MYO5B: variants seen among roughly 807,000 people sequenced by gnomAD.
The protein encoded by MYO5B is myosin VB, also known as unconventional myosin-Vb.
In MYO5B, 143 loss-of-function variants were observed where a neutral mutation model predicts 229.3. The ratio of observed to expected loss-of-function variants is 0.62; its 90% CI spans 0.54 to 0.72. The LOEUF (loss-of-function observed/expected upper bound fraction) is 0.72, where lower values mean the gene tolerates loss of function less well. MYO5B is among the 30% of genes least tolerant of loss of function. The pLI, the probability that MYO5B is intolerant of heterozygous loss-of-function variation, is 0.00. For synonymous variants in MYO5B, 918 were observed against 885.2 expected (o/e 1.04, Z -0.66); for missense variants, 2,321 against 2,331.0 (o/e 1.00, Z 0.09).
chr18:50,093,062 T>C (rs186900288), intron 1 of MYO5B, among the ~76,000 whole-genome samples: 12 of 152,108 alleles, frequency 7.9e-5, no homozygotes, highest in Admixed American at 5.9e-4. Flanking sequence ...TATGAACAAT[T>C]TGTAAATAGA....
Position 49,859,154 on chromosome 18 carries a change from G to A in MYO5B, c.3945-2264C>T, listed in dbSNP as rs202120632. Among the ~76,000 whole-genome samples the A allele has an allele frequency of 9.2e-5, 14 of 152,320 alleles. No homozygotes were observed. The East Asian group carries it at 1.7e-3, about 19-fold the overall frequency. On this transcript the variant is annotated intron_variant, in intron 29 of 39. Coordinates refer to ENST00000285039, the MANE Select transcript of MYO5B (RefSeq NM_001080467.3). ...ATTGGGGCAACTCCCAGCCCCACCTGTAATGAGCCCGTGGCCCGGGCTAAT... is the reference window on the plus strand; with the variant it reads ...ATTGGGGCAACTCCCAGCCCCACCTATAATGAGCCCGTGGCCCGGGCTAAT...
rs763573467 is a variant in MYO5B at position 49,826,459 on chromosome 18, A to G, written c.*12T>C. ...ACATTGGGAATCAAACTAATGCTGG[A>G]AACATGCATCTTCAGACTTCATTGA... On this transcript the variant is annotated 3_prime_UTR_variant, in exon 40 of 40. Coordinates refer to ENST00000285039, the MANE Select transcript of MYO5B (RefSeq NM_001080467.3). 1 of 1,613,650 alleles carries G rather than the reference A, an allele frequency of 6.2e-7. No individual in the cohort carries two copies. Among genetic ancestry groups the G allele is most frequent in the African/African-American group, 1.3e-5 (1 of 74,900 alleles).
intron 19 of MYO5B, among the ~76,000 whole-genome samples, chr18:49,906,147 G>A (rs1475517322): frequency 6.6e-6 from 1 of 152,150 alleles, no homozygotes; most frequent in Admixed American, 6.5e-5. Context: ...GGAAATGGTT[G>A]GTTTGTGGCA....
chr18:50,120,469 AG>A (rs1055327299), intron 1 of MYO5B, among the ~76,000 whole-genome samples: 23 of 152,102 alleles, frequency 1.5e-4, no homozygotes, highest in Non-Finnish European at 3.4e-4. Context: ...ATCCCATGTG[AG>A]GTCTCAACGG....
chr18:50,011,156 C>T (rs2026156512), intron 4 of MYO5B, among the ~76,000 whole-genome samples: 1 of 152,172 alleles, frequency 6.6e-6, no homozygotes. Context: ...TCCTGGCTAA[C>T]ATGGTGAAAC....
At chr18:49,874,581 A>G (rs935062405) in intron 26 of MYO5B, among the ~76,000 whole-genome samples, 16 of 152,266 alleles carry the variant, frequency 1.1e-4, no homozygotes, top group Non-Finnish European at 2.4e-4. Flanking sequence ...TTTGCCAGCA[A>G]TATAGATCAG....
At chr18:49,982,921 GC>G (rs34074199) in intron 8 of MYO5B, among the ~76,000 whole-genome samples, 25,617 of 152,130 alleles carry the variant, frequency 0.17, 2,758 homozygotes, top group Non-Finnish European at 0.25. Flanking sequence ...CTTGGAGGGA[GC>G]AATCCTCTCC....
At chr18:50,000,800 C>T (rs984991465) in intron 5 of MYO5B, among the ~76,000 whole-genome samples, 1 of 152,116 alleles carries the variant, frequency 6.6e-6, no homozygotes, top group Non-Finnish European at 1.5e-5. Context: ...TTTACCTCCC[C>T]GCTAAAAAGA....
At chr18:50,155,168 C>CA (rs111479770) in intron 1 of MYO5B, among the ~76,000 whole-genome samples, 89 of 152,260 alleles carry the variant, frequency 5.8e-4, no homozygotes, top group African/African-American at 1.9e-3. Flanking sequence ...TAGCTGCAAC[C>CA]ACTCCAGGTA....
chr18:50,007,216 C>T (rs1477263361), intron 4 of MYO5B, among the ~76,000 whole-genome samples: 2 of 152,206 alleles, frequency 1.3e-5, no homozygotes, highest in Non-Finnish European at 2.9e-5. Context: ...TCCCTGGCAC[C>T]TCCTCTATGT....
chr18:49,929,667 C>A lies in MYO5B; in HGVS notation c.2004-69G>T, dbSNP rs1598889594. On this transcript the variant is annotated intron_variant, in intron 16 of 39. Coordinates refer to ENST00000285039, the MANE Select transcript of MYO5B (RefSeq NM_001080467.3). ...AGTGGCCACATTTGCAAAAAAGAAA[C>A]AAAAAAGAATCTTTTCCTGCAGCAT... 28 of 1,349,614 alleles carry A rather than the reference C, an allele frequency of 2.1e-5. No homozygotes were observed. The highest frequency in any genetic ancestry group is 2.9e-5 in the Non-Finnish European group (28 of 971,690). The allele number at this position is 1,349,614 out of a possible 1,614,324, so 83.6% of individuals were successfully genotyped here.
At chr18:50,095,901 T>A (rs1159759070) in intron 1 of MYO5B, among the ~76,000 whole-genome samples, 1 of 152,210 alleles carries the variant, frequency 6.6e-6, no homozygotes, top group Non-Finnish European at 1.5e-5. Context: ...AAGTGTTACA[T>A]CTTTGGAGAG....
chr18:49,827,938 C>G (rs2023866198), intron 39 of MYO5B, among the ~76,000 whole-genome samples: 1 of 152,070 alleles, frequency 6.6e-6, no homozygotes, highest in Admixed American at 6.5e-5. Flanking sequence ...AAAGAAGTGA[C>G]TTGTCACATA....
At chr18:50,161,500 T>C (rs1705527) in intron 1 of MYO5B, among the ~76,000 whole-genome samples, 66,237 of 131,676 alleles carry the variant, frequency 0.5, 14,822 homozygotes, top group Middle Eastern at 0.61. Context: ...TTAGAGGAAA[T>C]GGGCAGAAAG....
At chr18:49,879,331 C>G in intron 23 of MYO5B, 1 of 536,768 alleles carries the variant, frequency 1.9e-6, no homozygotes, top group Non-Finnish European at 3.3e-6. Flanking sequence ...GAGAAGTTGG[C>G]AGCGTAGGTG....
intron 22 of MYO5B, 125 bp from the exon 23 acceptor site, chr18:49,880,580 A>G: frequency 1.2e-6 from 1 of 809,692 alleles, no homozygotes; most frequent in South Asian, 1.4e-5. Flanking sequence ...ATTTGGTTAA[A>G]GCTTCTTTTG....
intron 25 of MYO5B, 32 bp from the exon 26 acceptor site, chr18:49,875,859 T>C: frequency 6.2e-7 from 1 of 1,613,386 alleles, no homozygotes. Context: ...GAAAAAAGGT[T>C]TTCCTAAATA....
intron 16 of MYO5B, among the ~76,000 whole-genome samples, chr18:49,935,981 T>G (rs2025245104): frequency 6.6e-6 from 1 of 152,228 alleles, no homozygotes; most frequent in Non-Finnish European, 1.5e-5. Context: ...TGGCTACATT[T>G]AACGTTCTCT....
intron 9 of MYO5B, among the ~76,000 whole-genome samples, chr18:49,977,161 C>G (rs1207846776): frequency 6.6e-6 from 1 of 152,040 alleles, no homozygotes; most frequent in Non-Finnish European, 1.5e-5. Context: ...ATTTTCTCAC[C>G]CTCTTCCGAC....
Sources: allele counts gnomAD v4.1 joint callset (sites outside exome capture counted in the v4.1 genomes callset), GRCh38; gene constraint gnomAD v4.1.1; transcripts MANE v1.5; gene names NCBI Gene and HGNC (gene_info 2026-07-23, HGNC 2026-07-21).